The following GAS2 variants were observed in gnomAD, a reference collection of about 807,000 sequenced individuals.
GAS2 encodes growth arrest specific 2, also known as growth arrest-specific protein 2.
GAS2 carries 20 observed loss-of-function variants against 37.5 expected under a neutral mutation model. That is an observed-to-expected ratio of 0.53 (90% CI 0.37 to 0.77). The LOEUF (loss-of-function observed/expected upper bound fraction) is 0.77, where lower values mean the gene tolerates loss of function less well. GAS2 is among the 30% of genes least tolerant of loss of function. The probability of loss-of-function intolerance (pLI) is 0.00; values close to 1 mark genes in which losing one functional copy is unlikely to be tolerated. For missense variants in GAS2, 336 were observed against 373.4 expected (o/e 0.90, Z 0.82); for synonymous variants, 144 against 132.2 (o/e 1.09, Z -0.61).
chr11:22,652,693 G>A (rs1031641979), intron 1 of GAS2, among the ~76,000 whole-genome samples: 4 of 152,184 alleles, frequency 2.6e-5, no homozygotes, highest in East Asian at 1.9e-4. Context: ...TCCAGGTGCC[G>A]TCTGTCACCC....
chr11:22,630,739 C>A (rs544129649), intron 1 of GAS2, among the ~76,000 whole-genome samples: 200 of 152,304 alleles, frequency 1.3e-3, no homozygotes, highest in Non-Finnish European at 2.3e-3. Context: ...CAGTGTCATG[C>A]TGCTTTGCTT....
chr11:22,734,521 C>T (rs1284169985), intron 4 of GAS2, among the ~76,000 whole-genome samples: 1 of 151,414 alleles, frequency 6.6e-6, no homozygotes, highest in African/African-American at 2.4e-5. Context: ...GTAACTGACA[C>T]ATTATGATGC....
intron 1 of GAS2, among the ~76,000 whole-genome samples, chr11:22,641,424 T>C (rs1242466197): frequency 6.6e-6 from 1 of 151,064 alleles, no homozygotes; most frequent in Non-Finnish European, 1.5e-5. Context: ...CATATACATG[T>C]GCCATGTTGG....
chr11:22,712,448 A>G (rs971080844), intron 3 of GAS2, among the ~76,000 whole-genome samples: 3 of 152,170 alleles, frequency 2.0e-5, no homozygotes, highest in Admixed American at 6.5e-5. Flanking sequence ...CAGAAGGGTA[A>G]TAACAGTCAC....
intron 3 of GAS2, among the ~76,000 whole-genome samples, chr11:22,713,116 CAT>C (rs796294620): frequency 6.4e-4 from 92 of 144,822 alleles, no homozygotes; most frequent in African/African-American, 2.0e-3. Flanking sequence ...ATACAAAAAA[CAT>C]ATAGGATACA....
intron 7 of GAS2, among the ~76,000 whole-genome samples, chr11:22,782,203 A>T (rs1442056354): frequency 6.6e-6 from 1 of 152,156 alleles, no homozygotes; most frequent in South Asian, 2.1e-4. Context: ...ATCTATATAA[A>T]GGGGATTAAT....
chr11:22,733,927 A>G (rs375855985), intron 4 of GAS2, among the ~76,000 whole-genome samples: 1 of 151,768 alleles, frequency 6.6e-6, no homozygotes, highest in South Asian at 2.1e-4. Flanking sequence ...AAAGCAAAAG[A>G]CCTTGTTAAT....
At chr11:22,726,533 G>T (rs1852227018) in intron 4 of GAS2, 100 bp downstream of exon 4, 3 of 952,922 alleles carry the variant, frequency 3.1e-6, no homozygotes, top group East Asian at 2.5e-5. Context: ...ATGTCATTTT[G>T]CAGATTATTA....
chr11:22,739,399 C>T (rs576397338), intron 5 of GAS2, among the ~76,000 whole-genome samples: 5 of 151,330 alleles, frequency 3.3e-5, no homozygotes, highest in African/African-American at 1.2e-4. Context: ...AGAATGAAAC[C>T]CTGTCTATAC....
chr11:22,712,695 A>C (rs542327403), intron 3 of GAS2, among the ~76,000 whole-genome samples: 1 of 152,362 alleles, frequency 6.6e-6, no homozygotes, highest in South Asian at 2.1e-4. Context: ...GTCTAAACCA[A>C]GAAATTTCTG....
chr11:22,768,375 G>A lies in GAS2; in HGVS notation c.723+12422G>A, dbSNP rs146658976. 1.2e-3 allele frequency among the ~76,000 whole-genome samples: 183 copies of A among 152,246 alleles called. 1 individual carries two copies. The highest frequency in any genetic ancestry group is 4.0e-3 in the African/African-American group (168 of 41,526). ...CAGCAATAAGAAATCACTACATCAA[G>A]GTGTTATTCATCTCCCAATTGTAGC... On this transcript the variant is annotated intron_variant, in intron 7 of 7. Transcript: ENST00000454584.
intron 7 of GAS2, among the ~76,000 whole-genome samples, chr11:22,770,019 CCAT>C (rs1485121851): frequency 6.6e-6 from 1 of 152,112 alleles, no homozygotes; most frequent in African/African-American, 2.4e-5. Flanking sequence ...AAACTGGAAG[CCAT>C]CATCCTCAGC....
chr11:22,741,231 A>C (rs536305819), intron 5 of GAS2, among the ~76,000 whole-genome samples: 1 of 152,076 alleles, frequency 6.6e-6, no homozygotes, highest in Admixed American at 6.5e-5. Context: ...AAATAGAGCT[A>C]TCATCACTGA....
intron 3 of GAS2, among the ~76,000 whole-genome samples, chr11:22,719,837 A>C (rs423963): frequency 0.89 from 135,963 of 152,102 alleles, 62,556 homozygotes; most frequent in East Asian, 1. Context: ...CTGACTTTAC[A>C]ATCGTTTCTT....
intron 5 of GAS2, among the ~76,000 whole-genome samples, chr11:22,741,081 T>G (rs1853049229): frequency 6.6e-6 from 1 of 152,208 alleles, no homozygotes; most frequent in South Asian, 2.1e-4. Context: ...CCCAGTGAGT[T>G]TCTGATTCTC....
At chr11:22,682,236 G>A (rs1393498374) in intron 2 of GAS2, among the ~76,000 whole-genome samples, 1 of 151,982 alleles carries the variant, frequency 6.6e-6, no homozygotes, top group African/African-American at 2.4e-5. Flanking sequence ...AAGATATAAT[G>A]TATAAAAAGT....
At chr11:22,756,581 G>A (rs1854055629) in intron 7 of GAS2, among the ~76,000 whole-genome samples, 1 of 152,022 alleles carries the variant, frequency 6.6e-6, no homozygotes, top group African/African-American at 2.4e-5. Context: ...CCCTTGTAAA[G>A]TTTTCTTAAT....
In GAS2 at chr11:22,812,664, A is replaced by G. The variant is rs1857240884; in HGVS notation, c.*648A>G. 6.5e-6 allele frequency: 1 copy of G among 152,732 alleles called. No homozygotes were observed. The highest frequency in any genetic ancestry group is 2.4e-5 in the African/African-American group (1 of 41,458). 9.5% of individuals were successfully genotyped at this position (152,732 alleles called of 1,614,324 possible). On this transcript the variant is annotated 3_prime_UTR_variant, in exon 8 of 8. Coordinates refer to ENST00000454584, the MANE Select transcript of GAS2 (RefSeq NM_001143830.3). ...AGTACACCCCCTTAGAGAATAGCTT[A>G]TGAGTTATTTCACACATTCCTGAGC...
chr11:22,749,293 G>A (rs369662583), intron 6 of GAS2, 32 bp downstream of exon 6: 325 of 1,596,266 alleles, frequency 2.0e-4, no homozygotes, highest in Non-Finnish European at 2.6e-4. Flanking sequence ...TCTTACCAAC[G>A]GTTAGTCTTT....
Sources: gnomAD v4.1 joint callset for allele counts (sites outside exome capture counted in the v4.1 genomes callset) on GRCh38, gnomAD v4.1.1 for gene constraint, MANE v1.5 for transcripts, NCBI Gene and HGNC (gene_info 2026-07-23, HGNC 2026-07-21) for gene names.